The following ADGRA3 variants were observed in gnomAD, a reference collection of about 807,000 sequenced individuals.
The protein encoded by ADGRA3 is G-protein coupled receptor 125.
A neutral mutation model predicts 119.8 loss-of-function variants in ADGRA3; 56 were observed. The observed-to-expected ratio is 0.47, with a 90% CI of 0.38 to 0.58. ADGRA3 has a LOEUF of 0.58. Among genes scored for constraint, ADGRA3 ranks in the 20% least tolerant of loss-of-function variants. ADGRA3 has a pLI of 0.00. For synonymous variants in ADGRA3, 607 were observed against 623.8 expected, an observed-to-expected ratio of 0.97 and a Z score of 0.40; for missense variants, 1,516 against 1,649.0, an observed-to-expected ratio of 0.92 and a Z score of 1.40.
chr4:22,430,386 T>A (rs1028524385), intron 10 of ADGRA3, among the ~76,000 whole-genome samples: 1 of 152,170 alleles, frequency 6.6e-6, no homozygotes, highest in Admixed American at 6.5e-5. Flanking sequence ...AGGTCCAGGC[T>A]GAGGTGGTCT....
At chr4:22,424,787 G>A (rs781497689) in intron 10 of ADGRA3, among the ~76,000 whole-genome samples, 22 of 152,068 alleles carry the variant, frequency 1.4e-4, no homozygotes, top group African/African-American at 2.7e-4. Flanking sequence ...AATACACACC[G>A]CCAGCAGGGC....
chr4:22,459,078 G>A (rs368299141), intron 3 of ADGRA3, among the ~76,000 whole-genome samples: 160 of 152,216 alleles, frequency 1.1e-3, no homozygotes, highest in African/African-American at 3.7e-3. Flanking sequence ...AAGGCTGCCT[G>A]AGAGAGAAAA....
At chr4:22,502,571 A>C (rs748969188) in intron 1 of ADGRA3, among the ~76,000 whole-genome samples, 21 of 151,300 alleles carry the variant, frequency 1.4e-4, no homozygotes, top group Middle Eastern at 3.2e-3. Flanking sequence ...GCTACAAGGG[A>C]GTATTCTGGG....
chr4:22,401,410 C>T (rs773014314), intron 16 of ADGRA3, 21 bp downstream of exon 16: 7 of 1,563,518 alleles, frequency 4.5e-6, no homozygotes, highest in Admixed American at 1.9e-5. Context: ...TTTTCCATTT[C>T]GGTTTTTCAC....
intron 12 of ADGRA3, among the ~76,000 whole-genome samples, chr4:22,415,668 T>C (rs1306459319): frequency 6.6e-6 from 1 of 152,060 alleles, no homozygotes; most frequent in African/African-American, 2.4e-5. Context: ...ACAAAATGAC[T>C]TGAAAACAAA....
intron 16 of ADGRA3, among the ~76,000 whole-genome samples, chr4:22,397,084 A>AT (rs1037061863): frequency 6.6e-6 from 1 of 151,576 alleles, no homozygotes; most frequent in Non-Finnish European, 1.5e-5. Flanking sequence ...CTTTTTGTTC[A>AT]TTCACCCAGT....
rs576661647 is a variant in ADGRA3 at position 22,401,883 on chromosome 4, C to G, written c.2358-329G>C. Among the ~76,000 whole-genome samples, 311 of 152,308 alleles carry G rather than the reference C, an allele frequency of 2.0e-3. 3 individuals carry two copies. The highest frequency in any genetic ancestry group is 7.3e-3 in the African/African-American group (303 of 41,566). The stretch of plus-strand genomic sequence containing the variant: ...TTGTTACTACGATGTCTTAAGATGA[C>G]TGGATTACCTGCTTGGCCACCTAGA... On this transcript the variant is annotated intron_variant, in intron 15 of 18. Transcript: ENST00000334304.
Position 22,424,189 on chromosome 4 carries a change from A to C in ADGRA3, c.1605+2T>G. The C allele has an allele frequency of 6.2e-7, 1 of 1,607,772 alleles. No individual in the cohort carries two copies. The highest frequency in any genetic ancestry group is 8.5e-7 in the Non-Finnish European group (1 of 1,176,708). The stretch of plus-strand genomic sequence containing the variant: ...AGGAGTCTATGATAATGTTACACTT[A>C]CTGTTGAATAAACGTGAGCTCCACC... On this transcript the variant is annotated splice_donor_variant, in intron 11 of 18. Coordinates refer to ENST00000334304, the MANE Select transcript of ADGRA3 (RefSeq NM_145290.4). LOFTEE classifies it high-confidence loss of function.
In ADGRA3 at chr4:22,515,730, G is replaced by C; in HGVS notation, c.55C>G (p.Leu19Val). 1 of 1,051,726 alleles carries C rather than the reference G, an allele frequency of 9.5e-7. No homozygotes were observed. The highest frequency in any genetic ancestry group is 1.1e-6 in the Non-Finnish European group (1 of 877,798). The allele number at this position is 1,051,726 out of a possible 1,614,324, so 65.1% of individuals were successfully genotyped here. A position where few individuals can be genotyped will look rare whatever the true frequency, so the allele number is the denominator to read the frequency against. ...AGCGCGAGCAGCGCTAACAGCGAGA[G>C]CGGCAGCAACAGCGGCGGCTGCGCG... ...GRAQPPLLLP[L>V]SLLALLALLG... is the part of the protein sequence containing the mutation. Residue 19 changes from leucine (L) to valine (V), a missense_variant, in exon 1 of 19, where the codon CTC becomes GTC. Around this residue, in one of 2 missense-constraint regions of ADGRA3, gnomAD observed 428 missense variants for 541.9 expected, o/e 0.79. Coordinates refer to ENST00000334304, the MANE Select transcript of ADGRA3 (RefSeq NM_145290.4).
At chr4:22,427,865 CCACCTGTTCTTG>C (rs1164953985) in intron 10 of ADGRA3, among the ~76,000 whole-genome samples, 1 of 152,176 alleles carries the variant, frequency 6.6e-6, no homozygotes, top group Non-Finnish European at 1.5e-5. Context: ...AAGGACTCCT[CCACCTGTTCTTG>C]CACCTGTCAC....
At chr4:22,402,401 G>A (rs907672882) in intron 15 of ADGRA3, among the ~76,000 whole-genome samples, 3 of 151,930 alleles carry the variant, frequency 2.0e-5, no homozygotes, top group East Asian at 1.9e-4. Flanking sequence ...CCTGTGACCC[G>A]CCCCACAGTG....
intron 1 of ADGRA3, chr4:22,514,713 G>A (rs774282621): frequency 2.0e-5 from 3 of 152,218 alleles, no homozygotes; most frequent in Non-Finnish European, 4.4e-5. Flanking sequence ...AAACAAACTC[G>A]ACAGTCACTG....
chr4:22,508,070 C>T (rs1288666420), intron 1 of ADGRA3, among the ~76,000 whole-genome samples: 1 of 152,108 alleles, frequency 6.6e-6, no homozygotes, highest in African/African-American at 2.4e-5. Context: ...AGAACAATTA[C>T]GTACCCACCC....
chr4:22,446,272 T>C (rs967928440), intron 5 of ADGRA3, among the ~76,000 whole-genome samples: 8 of 152,224 alleles, frequency 5.3e-5, no homozygotes, highest in African/African-American at 1.9e-4. Context: ...CACCACTTTA[T>C]GGTCAGTTCC....
chr4:22,406,110 C>G (rs1392063977), intron 14 of ADGRA3, among the ~76,000 whole-genome samples: 1 of 152,144 alleles, frequency 6.6e-6, no homozygotes, highest in African/African-American at 2.4e-5. Context: ...AAAATAACTT[C>G]CAGGCTCATC....
At chr4:22,405,503 G>A (rs1343071569) in intron 14 of ADGRA3, among the ~76,000 whole-genome samples, 12 of 149,890 alleles carry the variant, frequency 8.0e-5, no homozygotes, top group Admixed American at 2.0e-4. Context: ...CTGAGATTGC[G>A]CCACTGCACT....
At chr4:22,505,033 C>T (rs1479908293) in intron 1 of ADGRA3, among the ~76,000 whole-genome samples, 1 of 152,112 alleles carries the variant, frequency 6.6e-6, no homozygotes, top group Non-Finnish European at 1.5e-5. Context: ...GATGCTGGGA[C>T]TTGGATGGAT....
chr4:22,423,011 C>T (rs757675194), intron 11 of ADGRA3, among the ~76,000 whole-genome samples: 15 of 151,920 alleles, frequency 9.9e-5, no homozygotes, highest in Non-Finnish European at 2.1e-4. Flanking sequence ...GCCTGGCCAA[C>T]GTAATGTAAC....
intron 1 of ADGRA3, among the ~76,000 whole-genome samples, chr4:22,509,565 A>C (rs1719366650): frequency 6.6e-6 from 1 of 151,636 alleles, no homozygotes; most frequent in African/African-American, 2.4e-5. Flanking sequence ...TTCACTTAGC[A>C]CCTTCCCCCG....
Sources: allele counts gnomAD v4.1 joint callset (sites outside exome capture counted in the v4.1 genomes callset), GRCh38; gene constraint gnomAD v4.1.1; regional missense constraint gnomAD v4.1.1; transcripts MANE v1.5; gene names NCBI Gene and HGNC (gene_info 2026-07-23, HGNC 2026-07-21).